The following FOXP1 variants were observed in gnomAD, a reference collection of about 807,000 sequenced individuals.
The protein encoded by FOXP1 is forkhead box protein P1.
FOXP1 carries 15 observed loss-of-function variants against 98.2 expected under a neutral mutation model. The ratio of observed to expected loss-of-function variants is 0.15; its 90% CI spans 0.10 to 0.24. FOXP1 has a LOEUF of 0.24. Ranked by LOEUF, FOXP1 falls within the 10% of genes least tolerant of loss-of-function variation. FOXP1 has a pLI of 1.00. For missense variants in FOXP1, 633 were observed against 848.5 expected (o/e 0.75, Z 3.15); for synonymous variants, 371 against 314.5 (o/e 1.18, Z -1.90).
intron 3 of FOXP1, among the ~76,000 whole-genome samples, chr3:71,363,038 T>A (rs1390579598): frequency 6.6e-6 from 1 of 152,190 alleles, no homozygotes; most frequent in Non-Finnish European, 1.5e-5. Context: ...AAATTAAATT[T>A]CTATTTTGGT....
chr3:71,377,012 A>G (rs550806145), intron 3 of FOXP1, among the ~76,000 whole-genome samples: 1 of 152,160 alleles, frequency 6.6e-6, no homozygotes, highest in African/African-American at 2.4e-5. Context: ...AATTAATAAA[A>G]ACTGGAGAAA....
At chr3:71,476,404 C>T (rs1193673764) in intron 3 of FOXP1, among the ~76,000 whole-genome samples, 2 of 130,150 alleles carry the variant, frequency 1.5e-5, no homozygotes, top group Non-Finnish European at 1.7e-5. Context: ...TTCTGGTTTC[C>T]TTTCATTCTC....
chr3:71,085,770 G>A (rs1414066617), intron 7 of FOXP1, among the ~76,000 whole-genome samples: 1 of 21,538 alleles, frequency 4.6e-5, no homozygotes, highest in Non-Finnish European at 1.1e-4. Context: ...TCACTGTGTT[G>A]CCAGACTGGA....
intron 5 of FOXP1, among the ~76,000 whole-genome samples, chr3:71,221,713 T>C (rs956361569): frequency 6.6e-6 from 1 of 152,218 alleles, no homozygotes; most frequent in Admixed American, 6.5e-5. Flanking sequence ...ATCCCTCTAG[T>C]TCCCATCCTG....
chr3:71,003,387 A>G (rs1029208391), intron 12 of FOXP1, among the ~76,000 whole-genome samples: 2 of 152,040 alleles, frequency 1.3e-5, no homozygotes, highest in Non-Finnish European at 2.9e-5. Context: ...GTATATATAA[A>G]TGAATAAACC....
intron 12 of FOXP1, among the ~76,000 whole-genome samples, chr3:71,011,301 T>A (rs11918419): frequency 0.025 from 3,815 of 152,200 alleles, 146 homozygotes; most frequent in African/African-American, 0.086. Context: ...AGGCAGCATG[T>A]AATGCAAGCC....
At chr3:71,096,474 G>A (rs908732603) in intron 7 of FOXP1, among the ~76,000 whole-genome samples, 1 of 152,110 alleles carries the variant, frequency 6.6e-6, no homozygotes, top group Non-Finnish European at 1.5e-5. Context: ...CCACTGACTA[G>A]TCATTTATAG....
At chr3:71,541,874 C>T (rs758333913) in intron 2 of FOXP1, 16 of 443,000 alleles carry the variant, frequency 3.6e-5, no homozygotes, top group Admixed American at 1.0e-4. Context: ...TTTATTCAGA[C>T]GGTCTTGCCT....
intron 3 of FOXP1, among the ~76,000 whole-genome samples, chr3:71,384,001 T>C (rs1054645783): frequency 2.0e-4 from 30 of 152,250 alleles, no homozygotes; most frequent in African/African-American, 6.5e-4. Context: ...GCGGATCACC[T>C]GAGGCAGGAG....
intron 3 of FOXP1, among the ~76,000 whole-genome samples, chr3:71,454,088 C>T (rs2108509536): frequency 6.6e-6 from 1 of 152,232 alleles, no homozygotes; most frequent in Admixed American, 6.5e-5. Flanking sequence ...CTTCTCTTAC[C>T]ACCCTCTGCA....
chr3:71,475,766 C>T lies in FOXP1; in HGVS notation c.-168+17660G>A, dbSNP rs758886674. Among the ~76,000 whole-genome samples, 13 of 151,932 alleles carry T rather than the reference C, an allele frequency of 8.6e-5. No individual in the cohort carries two copies. The East Asian group carries it at 2.3e-3, about 27-fold the overall frequency. ...CTGAAGTAGGAGAATCGATTGAACC[C>T]GGGAGGCGGAGGTTGCAGTGAGCTG... is the stretch of plus-strand genomic sequence containing the variant. On this transcript the variant is annotated intron_variant, in intron 3 of 20. Transcript: ENST00000649528.
chr3:71,384,193 A>G (rs1459682686), intron 3 of FOXP1, among the ~76,000 whole-genome samples: 1 of 152,148 alleles, frequency 6.6e-6, no homozygotes. Context: ...CAATCTGGGC[A>G]ACAGAGTGGG....
At position 71,397,014 on chromosome 3, in the gene FOXP1, A is replaced by G. The variant is rs868477643; in HGVS notation, c.-167-37770T>C. On this transcript the variant is annotated intron_variant, in intron 3 of 20. Coordinates refer to ENST00000649528, the MANE Select transcript of FOXP1 (RefSeq NM_001349338.3). ...TATATACACATATATATGTGTATAT[A>G]TATATATATACATATATATGTGTAT... Among the ~76,000 whole-genome samples the G allele has an allele frequency of 5.2e-4, 33 of 63,938 alleles. 2 individuals are homozygous for G. The highest frequency in any genetic ancestry group is 5.0e-3 in the East Asian group (20 of 3,998). The allele number at this position is 63,938 out of a possible 152,430, so 41.9% of individuals were successfully genotyped here. A position where few individuals can be genotyped will look rare whatever the true frequency, so the allele number is the denominator to read the frequency against.
chr3:71,299,864 A>G lies in FOXP1; in HGVS notation c.-56T>C, dbSNP rs1029042696. The G allele has an allele frequency of 6.5e-6, 1 of 152,690 alleles. No individual in the cohort carries two copies. Among genetic ancestry groups the G allele is most frequent in the Admixed American group, 6.5e-5 (1 of 15,288 alleles). The allele number at this position is 152,690 out of a possible 1,614,324, so 9.5% of individuals were successfully genotyped here. ...GCAATCTTCAGTTATAGTCACCTCA[A>G]AAGGTCACGTCTTACCCTGAAAACA... is the stretch of plus-strand genomic sequence containing the variant. On this transcript the variant is annotated 5_prime_UTR_variant, in exon 5 of 21. Coordinates refer to ENST00000649528, the MANE Select transcript of FOXP1 (RefSeq NM_001349338.3).
chr3:71,248,083 G>C (rs1248994654), intron 5 of FOXP1, among the ~76,000 whole-genome samples: 1 of 152,174 alleles, frequency 6.6e-6, no homozygotes, highest in African/African-American at 2.4e-5. Flanking sequence ...CCTCCTCTTG[G>C]ACTTGTCAAT....
intron 11 of FOXP1, among the ~76,000 whole-genome samples, chr3:71,026,790 G>C (rs1423004912): frequency 1.8e-4 from 28 of 152,206 alleles, no homozygotes; most frequent in Non-Finnish European, 5.9e-5. Context: ...GTATTTATGT[G>C]GCATAGCAGG....
intron 3 of FOXP1, among the ~76,000 whole-genome samples, chr3:71,396,453 C>A (rs940956170): frequency 6.6e-6 from 1 of 152,074 alleles, no homozygotes; most frequent in African/African-American, 2.4e-5. Context: ...AAGTAACTGA[C>A]CCAGTTGCAG....
intron 3 of FOXP1, among the ~76,000 whole-genome samples, chr3:71,385,869 G>T (rs1222227816): frequency 6.6e-6 from 1 of 152,070 alleles, no homozygotes. Flanking sequence ...TGTGGCTTCA[G>T]ATCCACATCT....
At chr3:71,570,728 G>A (rs776357855) in intron 2 of FOXP1, 6 of 152,134 alleles carry the variant, frequency 3.9e-5, no homozygotes, top group Non-Finnish European at 7.4e-5. Context: ...CTTGGCTTTG[G>A]ACACACATAA....
Sources: allele counts gnomAD v4.1 joint callset (sites outside exome capture counted in the v4.1 genomes callset), GRCh38; gene constraint gnomAD v4.1.1; transcripts MANE v1.5; gene names NCBI Gene and HGNC (gene_info 2026-07-23, HGNC 2026-07-21).